Variants in DLEC1 observed in about 807,000 individuals in gnomAD.
DLEC1 encodes DLEC1 cilia and flagella associated protein.
DLEC1 carries 146 observed loss-of-function variants against 198.1 expected under a neutral mutation model. The observed-to-expected ratio is 0.74, with a 90% confidence interval of 0.64 to 0.85. The LOEUF (loss-of-function observed/expected upper bound fraction) is 0.85, where lower values mean the gene tolerates loss of function less well. Among genes scored for constraint, DLEC1 ranks in the 40% least tolerant of loss-of-function variants. The probability of loss-of-function intolerance (pLI) is 0.00; values close to 1 mark genes in which losing one functional copy is unlikely to be tolerated. For synonymous variants in DLEC1, 897 were observed against 866.8 expected (o/e 1.03, Z -0.61); for missense variants, 2,233 against 2,220.0 (o/e 1.01, Z -0.12).
intron 6 of DLEC1, among the ~76,000 whole-genome samples, chr3:38,067,238 T>C (rs116587826): frequency 0.023 from 3,452 of 152,316 alleles, 133 homozygotes; most frequent in African/African-American, 0.079. Flanking sequence ...GTTCAAATTT[T>C]CAGTCTTTAA....
At chr3:38,107,542 T>C in intron 19 of DLEC1, 42 bp from the exon 20 acceptor site, 1 of 1,509,140 alleles carries the variant, frequency 6.6e-7, no homozygotes, top group Non-Finnish European at 8.9e-7. Flanking sequence ...GCTTTACTTC[T>C]TCTTTTCTAA....
At chr3:38,110,425 G>A in intron 23 of DLEC1, 144 bp downstream of exon 23, 1 of 1,063,944 alleles carries the variant, frequency 9.4e-7, no homozygotes, top group Non-Finnish European at 1.4e-6. Flanking sequence ...ATGGGGACAG[G>A]CAGAGAGGAA....
chr3:38,119,296 C>G (rs947824052), intron 33 of DLEC1, among the ~76,000 whole-genome samples: 1 of 152,186 alleles, frequency 6.6e-6, no homozygotes, highest in African/African-American at 2.4e-5. Context: ...ATCCCCTCCC[C>G]ACCTTGTCCT....
chr3:38,041,954 A>ATTATACCT (rs1166692950), intron 1 of DLEC1, among the ~76,000 whole-genome samples: 7 of 152,106 alleles, frequency 4.6e-5, no homozygotes, highest in Non-Finnish European at 8.8e-5. Flanking sequence ...AAAAGAATGA[A>ATTATACCT]TTATACCTGC....
At chr3:38,109,073 C>T (rs997843722) in intron 21 of DLEC1, among the ~76,000 whole-genome samples, 7 of 152,316 alleles carry the variant, frequency 4.6e-5, no homozygotes, top group East Asian at 3.9e-4. Flanking sequence ...AGCTCTGGGA[C>T]GACAGACAGG....
chr3:38,045,514 T>G (rs1700842200), intron 1 of DLEC1, 29 bp from the exon 2 acceptor site: 1 of 1,604,788 alleles, frequency 6.2e-7, no homozygotes, highest in African/African-American at 1.3e-5. Flanking sequence ...CTCACCATAT[T>G]TCTGTGCATT....
chr3:38,039,958 A>G (rs1700578478), intron 1 of DLEC1, among the ~76,000 whole-genome samples: 1 of 152,228 alleles, frequency 6.6e-6, no homozygotes, highest in East Asian at 1.9e-4. Flanking sequence ...CATGGAGAGG[A>G]TAAAGCCAAA....
At chr3:38,097,486 T>A (rs1559444644) in intron 16 of DLEC1, 21 bp from the exon 17 acceptor site, 2 of 1,613,636 alleles carry the variant, frequency 1.2e-6, no homozygotes, top group Non-Finnish European at 1.7e-6. Flanking sequence ...TCTCCACCTC[T>A]CCCTTTCCCT....
intron 2 of DLEC1, 98 bp from the exon 3 acceptor site, chr3:38,059,644 A>T (rs1411319471): frequency 6.4e-6 from 6 of 944,678 alleles, no homozygotes; most frequent in Non-Finnish European, 8.1e-6. Context: ...GAATTTTGTT[A>T]GATAGTTTAG....
chr3:38,045,292 C>G (rs1700832389), intron 1 of DLEC1, among the ~76,000 whole-genome samples: 1 of 152,102 alleles, frequency 6.6e-6, no homozygotes, highest in Admixed American at 6.6e-5. Context: ...TGGCAGCTCT[C>G]TTTATTGTGA....
At chr3:38,096,502 G>A in intron 14 of DLEC1, 67 bp from the exon 15 acceptor site, 1 of 1,537,270 alleles carries the variant, frequency 6.5e-7, no homozygotes, top group African/African-American at 1.4e-5. Context: ...GTGGGACAGA[G>A]GCAGGGACAC....
rs184638162 is a variant in DLEC1 at position 38,107,592 on chromosome 3, C to T, written c.2873C>T (p.Pro958Leu). The change falls in exon 20 of 37, where the codon CCT becomes CTT. Residue 958 changes from proline to leucine, a missense_variant. Pro to Leu is a moderately conservative substitution (Grantham distance 98, BLOSUM62 -3). Coordinates refer to ENST00000308059, the MANE Select transcript of DLEC1 (RefSeq NM_007335.4). ...EVENGAWSYL[P>L]VYAEVQKPHV... Reference sequence around the variant, plus strand: ...GTTTCCTCGTGTTCCAGCTACCTTCCTGTGTATGCTGAGGTACAGAAGCCC... The same window carrying T: ...GTTTCCTCGTGTTCCAGCTACCTTCTTGTGTATGCTGAGGTACAGAAGCCC... The T allele has an allele frequency of 1.1e-5, 17 of 1,606,568 alleles. No homozygotes were observed. The African/African-American group carries it at 1.9e-4, about 18-fold the overall frequency.
chr3:38,048,706 T>C (rs1462033873), intron 2 of DLEC1, among the ~76,000 whole-genome samples: 4 of 152,168 alleles, frequency 2.6e-5, no homozygotes, highest in African/African-American at 9.7e-5. Context: ...GAGGAAGGAT[T>C]GTTGATGAGC....
Position 38,084,211 on chromosome 3 carries a change from CCCGCCTT to C in DLEC1, c.1230_1236del (p.Pro411ArgfsTer22). 1 of 1,613,082 alleles carries C rather than the reference CCCGCCTT, an allele frequency of 6.2e-7. No individual in the cohort carries two copies. Among genetic ancestry groups the C allele is most frequent in the Non-Finnish European group, 8.5e-7 (1 of 1,179,410 alleles). The stretch of plus-strand genomic sequence containing the variant: ...CGACCAGCCGCTACCTGCGAGTCCT[CCCGCCTT>C]CCACGCCATACTTCGCTCTGGGACT... On this transcript the variant is annotated frameshift_variant, in exon 7 of 37. Transcript: ENST00000308059. LOFTEE classifies it high-confidence loss of function.
At chr3:38,094,370 C>T (rs1698899686) in intron 12 of DLEC1, among the ~76,000 whole-genome samples, 1 of 152,206 alleles carries the variant, frequency 6.6e-6, no homozygotes, top group South Asian at 2.1e-4. Flanking sequence ...AGTCCTGCCC[C>T]TCCTATGCTA....
chr3:38,067,168 C>T (rs1697071385), intron 6 of DLEC1, among the ~76,000 whole-genome samples: 1 of 152,116 alleles, frequency 6.6e-6, no homozygotes. Flanking sequence ...AATTCTCATC[C>T]CTTTGATGTT....
At chr3:38,057,225 T>A (rs1696420463) in intron 2 of DLEC1, among the ~76,000 whole-genome samples, 1 of 152,252 alleles carries the variant, frequency 6.6e-6, no homozygotes, top group African/African-American at 2.4e-5. Context: ...GCACAGTGGC[T>A]CACGCCTGTA....
Position 38,039,526 on chromosome 3 carries a change from C to T in DLEC1, c.301C>T (p.Arg101Cys), listed in dbSNP as rs1267610344. The change falls in exon 1 of 37, where the codon CGC becomes TGC. Residue 101 changes from arginine to cysteine, a missense_variant. Transcript: ENST00000308059. ...CTCGCACTTGCTCACCGGCGTCTTC[C>T]GCAACTTGTACTCAGCCGAGGTCAT... ...DISHLLTGVF[R>C]NLYSAEVIGD... 2 of 1,614,072 alleles carry T rather than the reference C, an allele frequency of 1.2e-6. No individual in the cohort carries two copies. The highest frequency in any genetic ancestry group is 1.7e-6 in the Non-Finnish European group (2 of 1,179,934).
In DLEC1 at chr3:38,109,494, A is replaced by C; in HGVS notation, c.3192A>C (p.Leu1064=). 5 of 1,614,200 alleles carry C rather than the reference A, an allele frequency of 3.1e-6. No individual in the cohort carries two copies. The highest frequency in any genetic ancestry group is 4.2e-6 in the Non-Finnish European group (5 of 1,180,012). ...HVSGMKKPLV[L]GISGKPQGLQ... ...CAGGCATGAAGAAGCCACTGGTTCT[A>C]GGCATTTCTGGGAAGCCCCAGGGAC... The change falls in exon 22 of 37, where the codon CTA becomes CTC. Residue 1064 remains leucine (L), a synonymous_variant. Coordinates refer to ENST00000308059, the MANE Select transcript of DLEC1 (RefSeq NM_007335.4).
Sources: allele counts gnomAD v4.1 joint callset (sites outside exome capture counted in the v4.1 genomes callset), GRCh38; gene constraint gnomAD v4.1.1; transcripts MANE v1.5; gene names NCBI Gene and HGNC (gene_info 2026-07-23, HGNC 2026-07-21).